Variants in SPART observed in about 807,000 individuals in gnomAD.
The protein encoded by SPART is spastic paraplegia 20 (Troyer syndrome).
In SPART, 35 loss-of-function variants were observed where a neutral mutation model predicts 58.7. That is an observed-to-expected ratio of 0.60 (90% CI 0.46 to 0.79). The LOEUF (loss-of-function observed/expected upper bound fraction) is 0.79, where lower values mean the gene tolerates loss of function less well. Among genes scored for constraint, SPART ranks in the 30% least tolerant of loss-of-function variants. SPART has a pLI of 0.00. For missense variants in SPART, 730 were observed against 786.1 expected (o/e 0.93, Z 0.85); for synonymous variants, 284 against 280.7 (o/e 1.01, Z -0.12).
intron 1 of SPART, among the ~76,000 whole-genome samples, chr13:36,354,454 C>T (rs1203078524): frequency 6.6e-6 from 1 of 152,028 alleles, no homozygotes; most frequent in Admixed American, 6.5e-5. Flanking sequence ...CGGAGGTCAA[C>T]CCTACAGGCA....
At chr13:36,318,923 CT>C (rs1239793166) in intron 5 of SPART, among the ~76,000 whole-genome samples, 2 of 152,178 alleles carry the variant, frequency 1.3e-5, no homozygotes, top group Non-Finnish European at 2.9e-5. Flanking sequence ...AAGACTGACA[CT>C]GCCCGATCGC....
upstream of SPART, among the ~76,000 whole-genome samples, chr13:36,350,408 A>G (rs1349382886): frequency 2.0e-5 from 3 of 152,216 alleles, no homozygotes; most frequent in South Asian, 2.1e-4. Flanking sequence ...ATATCGATCA[A>G]TTCCGGGTTT....
chr13:36,335,621 C>A lies in SPART; in HGVS notation c.210G>T (p.Gly70=), dbSNP rs1883926211. The A allele has an allele frequency of 1.9e-6, 3 of 1,613,908 alleles. No homozygotes were observed. The highest frequency in any genetic ancestry group is 2.5e-6 in the Non-Finnish European group (3 of 1,179,986). Residue 70 remains glycine, a synonymous_variant, in exon 2 of 9, where the codon GGG becomes GGT. Coordinates refer to ENST00000438666, the MANE Select transcript of SPART (RefSeq NM_015087.5). ...GTTGCATCTGTCTAGCAGATTCCCA[C>A]CCAGGACCTGTGTGTTCAGACTCTT... ...SSKESEHTGP[G]WESARQMQQK... is the part of the protein sequence containing the mutation.
chr13:36,325,189 A>G (rs1287970079), intron 5 of SPART, among the ~76,000 whole-genome samples: 1 of 152,212 alleles, frequency 6.6e-6, no homozygotes, highest in Admixed American at 6.5e-5. Flanking sequence ...TGGGGTAACA[A>G]GCAAGTTTTC....
At position 36,335,685 on chromosome 13, in the gene SPART, C is replaced by T; in HGVS notation, c.146G>A (p.Gly49Glu). ...GATCCCTCTGAGCAGGTGTCCTATT[C>T]CTTGCTTATAGTAGTTCTTTGCTTC... Reference protein sequence around the residue: ...KEEAKNYYKQGIGHLLRGISI... With the variant: ...KEEAKNYYKQEIGHLLRGISI... The change falls in exon 2 of 9, where the codon GGA (glycine) becomes GAA (glutamate). Residue 49 changes from glycine (G) to glutamate (E), a missense_variant. By Grantham distance (98) the Gly-to-Glu change is moderately conservative. Transcript: ENST00000438666. 1 of 1,614,112 alleles carries T rather than the reference C, an allele frequency of 6.2e-7. No individual in the cohort carries two copies.
chr13:36,361,686 C>T (rs551033311), intron 1 of SPART, among the ~76,000 whole-genome samples: 1 of 152,234 alleles, frequency 6.6e-6, no homozygotes, highest in Non-Finnish European at 1.5e-5. Flanking sequence ...CCACGCCTGG[C>T]CCCTTTGCAT....
chr13:36,364,670 A>G (rs576730737), intron 1 of SPART, among the ~76,000 whole-genome samples: 28 of 152,330 alleles, frequency 1.8e-4, no homozygotes, highest in Non-Finnish European at 3.8e-4. Flanking sequence ...TATTTGGGCT[A>G]GTGCAAGTGA....
intron 2 of SPART, among the ~76,000 whole-genome samples, chr13:36,334,599 G>A (rs1231915508): frequency 6.6e-6 from 1 of 152,100 alleles, no homozygotes; most frequent in Non-Finnish European, 1.5e-5. Flanking sequence ...CCTGGGTTGA[G>A]AACAACTGTT....
chr13:36,306,013 T>C (rs192512244), intron 8 of SPART, among the ~76,000 whole-genome samples: 5 of 152,338 alleles, frequency 3.3e-5, no homozygotes, highest in Admixed American at 2.6e-4. Context: ...CTTGGCTTTT[T>C]TAACCCCAGT....
intron 1 of SPART, chr13:36,360,642 C>T (rs1397236904): frequency 6.6e-6 from 1 of 152,584 alleles, no homozygotes; most frequent in African/African-American, 2.4e-5. Context: ...GTTTTACTCT[C>T]TCTGTTTTTA....
At chr13:36,342,309 C>A (rs1884657222) in intron 1 of SPART, among the ~76,000 whole-genome samples, 1 of 152,124 alleles carries the variant, frequency 6.6e-6, no homozygotes, top group Non-Finnish European at 1.5e-5. Flanking sequence ...CTTAGATCAC[C>A]TGTTTTCTGA....
At chr13:36,353,228 T>G (rs996108757) in intron 1 of SPART, among the ~76,000 whole-genome samples, 1 of 152,168 alleles carries the variant, frequency 6.6e-6, no homozygotes, top group African/African-American at 2.4e-5. Flanking sequence ...AAGACAAATA[T>G]GTAAAGAATG....
At chr13:36,369,225 T>C (rs1211139762) in intron 1 of SPART, among the ~76,000 whole-genome samples, 2 of 152,158 alleles carry the variant, frequency 1.3e-5, no homozygotes, top group Non-Finnish European at 2.9e-5. Flanking sequence ...TTTAGTCCTT[T>C]AAAAGCTGTA....
At position 36,343,583 on chromosome 13, in the gene SPART, T is replaced by C. The variant is rs111290750; in HGVS notation, c.-3+2642A>G. 2.7e-3 allele frequency among the ~76,000 whole-genome samples: 411 copies of C among 152,254 alleles called. 3 individuals carry two copies. Among genetic ancestry groups the C allele is most frequent in the African/African-American group, 9.4e-3 (389 of 41,554 alleles). ...TGCAAGAGGGACAGTTTTACAAAAA[T>C]TATTTGGGGGTTCACAAGCAAATTA... On this transcript the variant is annotated intron_variant, in intron 1 of 8. Transcript: ENST00000438666.
At chr13:36,325,291 T>C (rs941121976) in intron 5 of SPART, among the ~76,000 whole-genome samples, 1 of 152,224 alleles carries the variant, frequency 6.6e-6, no homozygotes, top group Non-Finnish European at 1.5e-5. Flanking sequence ...TGCAGTTTCT[T>C]TGTAAATCTC....
chr13:36,316,765 G>A (rs1003198333), intron 5 of SPART, among the ~76,000 whole-genome samples: 5 of 152,090 alleles, frequency 3.3e-5, no homozygotes, highest in South Asian at 4.1e-4. Flanking sequence ...ACACAGACGC[G>A]CATGAAATTT....
intron 2 of SPART, among the ~76,000 whole-genome samples, chr13:36,334,771 G>A (rs1419807303): frequency 6.6e-6 from 1 of 151,954 alleles, no homozygotes; most frequent in East Asian, 1.9e-4. Context: ...ATGTAAGGAT[G>A]ACCACTCTTC....
intron 1 of SPART, among the ~76,000 whole-genome samples, chr13:36,355,568 A>G (rs532104348): frequency 1.3e-5 from 2 of 152,366 alleles, no homozygotes; most frequent in South Asian, 2.1e-4. Context: ...CCTACTATAT[A>G]TGTTACTTGC....
chr13:36,313,602 T>C (rs7325682), intron 6 of SPART, among the ~76,000 whole-genome samples: 111,212 of 152,144 alleles, frequency 0.73, 41,977 homozygotes, highest in Non-Finnish European at 0.84. Context: ...ATATACTGCA[T>C]TCTTGCTGCA....
Sources: allele counts gnomAD v4.1 joint callset (sites outside exome capture counted in the v4.1 genomes callset), GRCh38; gene constraint gnomAD v4.1.1; transcripts MANE v1.5; gene names NCBI Gene and HGNC (gene_info 2026-07-23, HGNC 2026-07-21).